Variants in UBXN7 observed in about 807,000 individuals in gnomAD.
UBXN7 encodes the protein UBX domain protein 7.
A neutral mutation model predicts 58.0 loss-of-function variants in UBXN7; 9 were observed. That is an observed-to-expected ratio of 0.16 (90% CI 0.09 to 0.27). The LOEUF (loss-of-function observed/expected upper bound fraction) is 0.27. Among genes scored for constraint, UBXN7 ranks in the 10% least tolerant of loss-of-function variants. The pLI is 1.00. For synonymous variants in UBXN7, 208 were observed against 205.0 expected (o/e 1.01, Z -0.12); for missense variants, 328 against 599.6 (o/e 0.55, Z 4.73).
intron 8 of UBXN7, among the ~76,000 whole-genome samples, chr3:196,367,434 T>C (rs1013349907): frequency 3.9e-5 from 6 of 152,176 alleles, no homozygotes; most frequent in Non-Finnish European, 7.3e-5. Context: ...CCAATAAAAA[T>C]GCTCAACTAT....
At position 196,355,335 on chromosome 3, in the gene UBXN7, T is replaced by A. The variant is rs199913580; in HGVS notation, c.*1350A>T. The A allele has an allele frequency of 2.6e-5, 4 of 152,116 alleles. No homozygotes were observed. The highest frequency in any genetic ancestry group is 9.7e-5 in the African/African-American group (4 of 41,414). The allele number at this position is 152,116 out of a possible 1,614,324, so 9.4% of individuals were successfully genotyped here. ...AATACGAAATGAGCATAGGGTGAAG[T>A]TGATGTGTAAATGGTATTCTACAGA... On this transcript the variant is annotated 3_prime_UTR_variant, in exon 11 of 11. Transcript: ENST00000296328.
chr3:196,357,911 T>C (rs1341883001), intron 10 of UBXN7, among the ~76,000 whole-genome samples: 1 of 151,606 alleles, frequency 6.6e-6, no homozygotes, highest in African/African-American at 2.4e-5. Flanking sequence ...TGTGTGCCTG[T>C]AGTCCCAGCT....
chr3:196,378,681 C>T (rs536108916), intron 5 of UBXN7, among the ~76,000 whole-genome samples: 3 of 152,220 alleles, frequency 2.0e-5, no homozygotes, highest in Non-Finnish European at 4.4e-5. Context: ...TTGTAAACTG[C>T]CACTGCACTG....
chr3:196,420,530 CA>C (rs60528354), intron 1 of UBXN7, among the ~76,000 whole-genome samples: 36,075 of 127,890 alleles, frequency 0.28, 5,604 homozygotes, highest in East Asian at 0.82. Context: ...GACTCCATCT[CA>C]AAAAAAAAAA....
chr3:196,372,294 A>C (rs1249953147), intron 5 of UBXN7, among the ~76,000 whole-genome samples: 2 of 123,756 alleles, frequency 1.6e-5, no homozygotes, highest in Non-Finnish European at 3.6e-5. Flanking sequence ...TTGTTATAAT[A>C]GCTGATTCTC....
At chr3:196,392,473 C>G (rs941994464) in intron 4 of UBXN7, among the ~76,000 whole-genome samples, 2 of 151,692 alleles carry the variant, frequency 1.3e-5, no homozygotes, top group Non-Finnish European at 2.9e-5. Context: ...CCACTGCACT[C>G]CAGCCTGGGC....
intron 7 of UBXN7, among the ~76,000 whole-genome samples, chr3:196,369,178 A>T (rs2108831652): frequency 6.6e-6 from 1 of 152,330 alleles, no homozygotes; most frequent in Admixed American, 6.5e-5. Context: ...CATATCAGTT[A>T]TTCTTCAAAA....
At chr3:196,391,688 T>G in intron 5 of UBXN7, 125 bp downstream of exon 5, 1 of 628,610 alleles carries the variant, frequency 1.6e-6, no homozygotes, top group Non-Finnish European at 2.7e-6. Flanking sequence ...GAGCTATGAT[T>G]GTGTCACTGC....
At chr3:196,373,006 C>T (rs1397190915) in intron 5 of UBXN7, among the ~76,000 whole-genome samples, 1 of 152,230 alleles carries the variant, frequency 6.6e-6, no homozygotes, top group Non-Finnish European at 1.5e-5. Flanking sequence ...CCATCTCAGC[C>T]TCCCAAAGTG....
At chr3:196,427,150 CT>C (rs1730875307) in intron 1 of UBXN7, among the ~76,000 whole-genome samples, 1 of 152,178 alleles carries the variant, frequency 6.6e-6, no homozygotes, top group Non-Finnish European at 1.5e-5. Context: ...TATCCCTCAC[CT>C]TCACTCCATG....
intron 2 of UBXN7, among the ~76,000 whole-genome samples, 157 bp from the exon 3 acceptor site, chr3:196,403,176 G>A (rs1387062301): frequency 1.3e-5 from 2 of 152,110 alleles, no homozygotes; most frequent in Non-Finnish European, 2.9e-5. Flanking sequence ...GGGGGCGGTG[G>A]AGACAGTGTC....
intron 1 of UBXN7, among the ~76,000 whole-genome samples, chr3:196,420,916 T>A (rs544406505): frequency 6.6e-6 from 1 of 152,320 alleles, no homozygotes; most frequent in South Asian, 2.1e-4. Flanking sequence ...TCACAGAGAC[T>A]TTTAAAAACA....
chr3:196,419,110 A>G (rs761121415), intron 1 of UBXN7, among the ~76,000 whole-genome samples: 84 of 152,108 alleles, frequency 5.5e-4, no homozygotes, highest in Admixed American at 7.2e-4. Flanking sequence ...TACTAAAAAT[A>G]ACCAAAATTA....
chr3:196,384,556 A>AT (rs1437233584), intron 5 of UBXN7, among the ~76,000 whole-genome samples: 1 of 152,216 alleles, frequency 6.6e-6, no homozygotes, highest in African/African-American at 2.4e-5. Context: ...CCTCAATAAA[A>AT]TACTGGCAAA....
chr3:196,432,067 G>C, intron 1 of UBXN7: 1 of 608,170 alleles, frequency 1.6e-6, no homozygotes, highest in South Asian at 1.8e-5. Flanking sequence ...CCCATTCCCA[G>C]GTCTGGGCTG....
At chr3:196,389,594 A>T (rs1228426784) in intron 5 of UBXN7, among the ~76,000 whole-genome samples, 1 of 151,900 alleles carries the variant, frequency 6.6e-6, no homozygotes, top group Non-Finnish European at 1.5e-5. Flanking sequence ...GAATGGCTTG[A>T]CCCCTTGCTC....
At chr3:196,381,570 G>A (rs1159290995) in intron 5 of UBXN7, among the ~76,000 whole-genome samples, 1 of 152,210 alleles carries the variant, frequency 6.6e-6, no homozygotes, top group Non-Finnish European at 1.5e-5. Context: ...AAAAATCAGA[G>A]CGCCTCTTCT....
At chr3:196,401,998 T>G (rs1294372827) in intron 3 of UBXN7, among the ~76,000 whole-genome samples, 1 of 152,010 alleles carries the variant, frequency 6.6e-6, no homozygotes, top group African/African-American at 2.4e-5. Context: ...GGAAAAAAAT[T>G]TGTATGTCTC....
intron 10 of UBXN7, among the ~76,000 whole-genome samples, chr3:196,360,761 G>A (rs1423964298): frequency 3.9e-5 from 6 of 152,252 alleles, no homozygotes; most frequent in East Asian, 3.9e-4. Context: ...GGCCAGGCAC[G>A]GAGCCAAATC....
Sources: allele counts gnomAD v4.1 joint callset (sites outside exome capture counted in the v4.1 genomes callset), GRCh38; gene constraint gnomAD v4.1.1; transcripts MANE v1.5; gene names NCBI Gene and HGNC (gene_info 2026-07-23, HGNC 2026-07-21).